The following FAM171A1 variants were observed in gnomAD, a reference collection of about 807,000 sequenced individuals.
FAM171A1 encodes family with sequence similarity 171 member A1.
FAM171A1 carries 23 observed loss-of-function variants against 74.9 expected under a neutral mutation model. The ratio of observed to expected loss-of-function variants is 0.31; its 90% confidence interval spans 0.22 to 0.44. The LOEUF is 0.44. Ranked by LOEUF, FAM171A1 falls within the 20% of genes least tolerant of loss-of-function variation. FAM171A1 has a pLI of 1.00. For missense variants in FAM171A1, 1,162 were observed against 1,159.2 expected (o/e 1.00, Z -0.03); for synonymous variants, 527 against 505.7 (o/e 1.04, Z -0.57).
At chr10:15,286,157 G>C (rs1835033121) in intron 1 of FAM171A1, among the ~76,000 whole-genome samples, 2 of 152,158 alleles carry the variant, frequency 1.3e-5, no homozygotes, top group Admixed American at 1.3e-4. Flanking sequence ...CATGATGCTT[G>C]TAAACATTCC....
At chr10:15,229,019 G>A (rs1407358963) in intron 5 of FAM171A1, among the ~76,000 whole-genome samples, 3 of 152,180 alleles carry the variant, frequency 2.0e-5, no homozygotes, top group Non-Finnish European at 2.9e-5. Context: ...AAGAGGCTGC[G>A]GTGAATTCTA....
At chr10:15,308,647 A>G (rs893202682) in intron 1 of FAM171A1, among the ~76,000 whole-genome samples, 1 of 151,490 alleles carries the variant, frequency 6.6e-6, no homozygotes, top group Non-Finnish European at 1.5e-5. Flanking sequence ...CTCTGTCTCA[A>G]AAAACAAACA....
In FAM171A1 at chr10:15,262,840, T is replaced by C. The variant is rs1834676448; in HGVS notation, c.419-7961A>G. Reference sequence around the variant, plus strand: ...TCCAATGAGAATGTGAAGGGGTTCATGGTGGGGCAGAGAAGCTGCAGGAGG... The same window carrying C: ...TCCAATGAGAATGTGAAGGGGTTCACGGTGGGGCAGAGAAGCTGCAGGAGG... On this transcript the variant is annotated intron_variant, in intron 3 of 7. Coordinates refer to ENST00000378116, the MANE Select transcript of FAM171A1 (RefSeq NM_001010924.2). Among the ~76,000 whole-genome samples, 7 of 152,052 alleles carry C rather than the reference T, an allele frequency of 4.6e-5. No homozygotes were observed. The South Asian group carries it at 1.5e-3, about 32-fold the overall frequency.
At chr10:15,294,077 G>GC (rs1835133236) in intron 1 of FAM171A1, among the ~76,000 whole-genome samples, 1 of 152,222 alleles carries the variant, frequency 6.6e-6, no homozygotes. Context: ...CTGGTTGGGA[G>GC]CAGCAGGGGT....
At chr10:15,221,803 T>C in intron 5 of FAM171A1, among the ~76,000 whole-genome samples, 1 of 151,414 alleles carries the variant, frequency 6.6e-6, no homozygotes, top group Non-Finnish European at 1.5e-5. Context: ...TCTCGGTGGC[T>C]GAGAGCAGAG....
intron 4 of FAM171A1, among the ~76,000 whole-genome samples, chr10:15,253,014 T>G (rs1285099712): frequency 6.6e-6 from 1 of 152,070 alleles, no homozygotes; most frequent in Admixed American, 6.5e-5. Flanking sequence ...GTTTTTTTGT[T>G]TTTTTTTGAG....
intron 1 of FAM171A1, among the ~76,000 whole-genome samples, chr10:15,344,924 C>T (rs1239105843): frequency 2.0e-5 from 3 of 152,174 alleles, no homozygotes; most frequent in Middle Eastern, 3.2e-3. Flanking sequence ...CTTTTCAGAG[C>T]GGAGTTCTTC....
intron 5 of FAM171A1, among the ~76,000 whole-genome samples, chr10:15,227,844 G>A (rs1331986513): frequency 6.6e-6 from 1 of 152,156 alleles, no homozygotes; most frequent in African/African-American, 2.4e-5. Flanking sequence ...TCTTAATTTG[G>A]AAGCTACATT....
chr10:15,280,739 T>C (rs1260037781), intron 2 of FAM171A1, among the ~76,000 whole-genome samples: 1 of 152,226 alleles, frequency 6.6e-6, no homozygotes, highest in African/African-American at 2.4e-5. Context: ...ATTTTCAACA[T>C]ATTTTAGAAG....
intron 5 of FAM171A1, among the ~76,000 whole-genome samples, chr10:15,222,699 A>G (rs1834054166): frequency 1.3e-5 from 2 of 152,206 alleles, no homozygotes; most frequent in South Asian, 2.1e-4. Context: ...AGGCCTTATC[A>G]GTTGCCATAG....
chr10:15,325,448 C>T (rs569799544), intron 1 of FAM171A1, among the ~76,000 whole-genome samples: 4 of 152,254 alleles, frequency 2.6e-5, no homozygotes, highest in African/African-American at 7.2e-5. Context: ...GCTGAGTCTG[C>T]GGTGAGCTAC....
At chr10:15,362,634 G>A (rs1030835825) in intron 1 of FAM171A1, among the ~76,000 whole-genome samples, 1 of 152,222 alleles carries the variant, frequency 6.6e-6, no homozygotes, top group South Asian at 2.1e-4. Flanking sequence ...TGAGGCAGGG[G>A]AATCTCTTGA....
intron 2 of FAM171A1, among the ~76,000 whole-genome samples, chr10:15,281,409 T>C (rs1834968753): frequency 6.6e-6 from 1 of 152,166 alleles, no homozygotes; most frequent in African/African-American, 2.4e-5. Context: ...TTAGACTAAT[T>C]AACTTGATTT....
At chr10:15,305,652 G>GTGAGA (rs1369624634) in intron 1 of FAM171A1, among the ~76,000 whole-genome samples, 4 of 107,936 alleles carry the variant, frequency 3.7e-5, no homozygotes, top group Non-Finnish European at 5.1e-5. Flanking sequence ...GGGTGACAGA[G>GTGAGA]TGAGATCTGG....
intron 1 of FAM171A1, among the ~76,000 whole-genome samples, chr10:15,352,884 A>G (rs1835895094): frequency 6.6e-6 from 1 of 152,244 alleles, no homozygotes; most frequent in African/African-American, 2.4e-5. Context: ...ACGTATCCAT[A>G]AAACTATGCA....
chr10:15,266,978 A>AG (rs1229910444), intron 3 of FAM171A1, among the ~76,000 whole-genome samples: 1 of 152,152 alleles, frequency 6.6e-6, no homozygotes, highest in Non-Finnish European at 1.5e-5. Context: ...CGAGCCAGGA[A>AG]GGGACAGAAA....
At chr10:15,319,682 C>T (rs143186797) in intron 1 of FAM171A1, among the ~76,000 whole-genome samples, 1 of 152,172 alleles carries the variant, frequency 6.6e-6, no homozygotes, top group Non-Finnish European at 1.5e-5. Flanking sequence ...GTCTGCCCAC[C>T]TTGGCCTCCC....
chr10:15,297,278 C>G (rs1835173169), intron 1 of FAM171A1, among the ~76,000 whole-genome samples: 1 of 152,016 alleles, frequency 6.6e-6, no homozygotes, highest in Admixed American at 6.6e-5. Context: ...AGGCTGGTCT[C>G]AAACTCCTGA....
At position 15,305,664 on chromosome 10, in the gene FAM171A1, T is replaced by TA. The variant is rs59843893; in HGVS notation, c.98-21560dup. 4.7e-3 allele frequency among the ~76,000 whole-genome samples: 251 copies of TA among 52,910 alleles called. 9 individuals are homozygous for TA. The highest frequency in any genetic ancestry group is 8.5e-3 in the Admixed American group (27 of 3,160). The allele number at this position is 52,910 out of a possible 152,430, so 34.7% of individuals were successfully genotyped here. On this transcript the variant is annotated intron_variant, in intron 1 of 7. Transcript: ENST00000378116. ...CCTGGGTGACAGAGTGAGATCTGGC[T>TA]AAAAAAAAAAAAAAAAAAAAAAAAG...
Sources: allele counts gnomAD v4.1 joint callset (sites outside exome capture counted in the v4.1 genomes callset), GRCh38; gene constraint gnomAD v4.1.1; transcripts MANE v1.5; gene names NCBI Gene and HGNC (gene_info 2026-07-23, HGNC 2026-07-21).